The following MICAL2 variants were observed in gnomAD, a reference collection of about 807,000 sequenced individuals.
The protein encoded by MICAL2 is [F-actin]-monooxygenase MICAL2.
MICAL2 carries 77 observed loss-of-function variants against 127.3 expected under a neutral mutation model. The ratio of observed to expected loss-of-function variants is 0.60; its 90% confidence interval spans 0.50 to 0.73. The LOEUF (loss-of-function observed/expected upper bound fraction) is 0.73, where lower values mean the gene tolerates loss of function less well. MICAL2 is among the 30% of genes least tolerant of loss of function. The probability of loss-of-function intolerance (pLI) is 0.00; values close to 1 mark genes in which losing one functional copy is unlikely to be tolerated. For missense variants in MICAL2, 1,351 were observed against 1,434.4 expected (o/e 0.94, Z 0.94); for synonymous variants, 570 against 551.1 (o/e 1.03, Z -0.48).
intron 3 of MICAL2, among the ~76,000 whole-genome samples, chr11:12,183,701 C>T (rs560116910): frequency 4.1e-4 from 62 of 152,298 alleles, no homozygotes; most frequent in Admixed American, 9.8e-4. Context: ...CAGAGTGAGA[C>T]GGTGGTGTGG....
At chr11:12,216,405 G>A in intron 8 of MICAL2, 86 bp downstream of exon 8, 2 of 1,030,030 alleles carry the variant, frequency 1.9e-6, no homozygotes, top group South Asian at 2.6e-5. Flanking sequence ...CGTCCTGCCA[G>A]AAACTGAGCG....
intron 25 of MICAL2, 84 bp downstream of exon 25, chr11:12,258,640 T>A (rs1419836928): frequency 8.7e-6 from 11 of 1,271,548 alleles, no homozygotes; most frequent in Admixed American, 3.6e-5. Context: ...AGGCCAGCTT[T>A]GCTGGCCCTA....
At chr11:12,329,132 C>T (rs553314199) in intron 32 of MICAL2, among the ~76,000 whole-genome samples, 2 of 152,312 alleles carry the variant, frequency 1.3e-5, no homozygotes, top group African/African-American at 4.8e-5. Flanking sequence ...TGGCATGGAG[C>T]AGATGATTAA....
At chr11:12,202,836 C>T (rs1854196010) in intron 3 of MICAL2, among the ~76,000 whole-genome samples, 1 of 152,134 alleles carries the variant, frequency 6.6e-6, no homozygotes, top group Non-Finnish European at 1.5e-5. Context: ...GTACACAATT[C>T]AGTGGTTTTA....
intron 3 of MICAL2, 92 bp from the exon 4 acceptor site, chr11:12,204,158 G>T: frequency 8.1e-7 from 1 of 1,235,848 alleles, no homozygotes; most frequent in African/African-American, 1.5e-5. Context: ...CAGGAAGAGT[G>T]GGATTTGCGC....
At chr11:12,237,436 G>A (rs186646169) in intron 16 of MICAL2, among the ~76,000 whole-genome samples, 10 of 152,248 alleles carry the variant, frequency 6.6e-5, no homozygotes, top group Admixed American at 5.2e-4. Flanking sequence ...CCCAGATTAC[G>A]GGTGTCAGCT....
chr11:12,275,134 C>A (rs146490957), upstream of MICAL2, among the ~76,000 whole-genome samples: 58 of 152,274 alleles, frequency 3.8e-4, no homozygotes, highest in African/African-American at 1.4e-3. Context: ...GAGGTGTTGG[C>A]TGGAGCAACA....
chr11:12,194,861 A>G (rs1454010261), intron 3 of MICAL2, among the ~76,000 whole-genome samples: 1 of 152,240 alleles, frequency 6.6e-6, no homozygotes, highest in Non-Finnish European at 1.5e-5. Flanking sequence ...AAGAAAATAT[A>G]TTGTAATTTT....
At chr11:12,233,803 T>C (rs182502541) in intron 15 of MICAL2, among the ~76,000 whole-genome samples, 46 of 152,348 alleles carry the variant, frequency 3.0e-4, no homozygotes, top group African/African-American at 1.1e-3. Context: ...GAATTCTTTG[T>C]AGAGTGAAAC....
intron 2 of MICAL2, among the ~76,000 whole-genome samples, chr11:12,151,727 G>A (rs1853596312): frequency 6.6e-6 from 1 of 152,114 alleles, no homozygotes; most frequent in Admixed American, 6.6e-5. Flanking sequence ...GGATTCTTAT[G>A]GGTCGGTCTT....
At chr11:12,309,933 T>G (rs1251821793) in intron 29 of MICAL2, among the ~76,000 whole-genome samples, 2 of 152,206 alleles carry the variant, frequency 1.3e-5, no homozygotes, top group Non-Finnish European at 2.9e-5. Context: ...TGATTAGTGA[T>G]GCTGAGTATT....
chr11:12,273,888 G>C (rs890568188), upstream of MICAL2, among the ~76,000 whole-genome samples: 1 of 152,104 alleles, frequency 6.6e-6, no homozygotes, highest in South Asian at 2.1e-4. Flanking sequence ...TGTGGACTGT[G>C]CTGGGGGTAG....
chr11:12,242,591 T>C (rs1644121412), intron 19 of MICAL2, 80 bp from the exon 20 acceptor site: 1 of 1,475,592 alleles, frequency 6.8e-7, no homozygotes, highest in Non-Finnish European at 9.4e-7. Context: ...GCTGCCTCCC[T>C]CACCCACTTC....
At chr11:12,166,683 G>A (rs191049352) in intron 3 of MICAL2, among the ~76,000 whole-genome samples, 6 of 152,330 alleles carry the variant, frequency 3.9e-5, no homozygotes, top group African/African-American at 1.4e-4. Flanking sequence ...CTAGCATTCT[G>A]ATAAGTGATC....
intron 29 of MICAL2, among the ~76,000 whole-genome samples, chr11:12,308,900 T>C (rs1864142463): frequency 6.6e-6 from 1 of 152,232 alleles, no homozygotes; most frequent in African/African-American, 2.4e-5. Context: ...AAAATTTCCT[T>C]CCATTCCTAG....
chr11:12,348,828 T>G (rs1938998652), intron 32 of MICAL2, among the ~76,000 whole-genome samples: 1 of 152,218 alleles, frequency 6.6e-6, no homozygotes, highest in African/African-American at 2.4e-5. Flanking sequence ...CAGAAAAGTT[T>G]GTTATGAGGA....
intron 2 of MICAL2, chr11:12,287,055 C>T: frequency 2.5e-6 from 1 of 398,904 alleles, no homozygotes. Flanking sequence ...TTCCTCCCAC[C>T]CCATCTTCCC....
chr11:12,265,025 C>T (rs952419686), downstream of MICAL2, among the ~76,000 whole-genome samples: 2 of 152,186 alleles, frequency 1.3e-5, no homozygotes, highest in Non-Finnish European at 2.9e-5. Flanking sequence ...AGGAATACAG[C>T]AGGGAGTAAA....
At chr11:12,263,123 G>C (rs1410266262) in intron 27 of MICAL2, 5 of 153,010 alleles carry the variant, frequency 3.3e-5, no homozygotes, top group African/African-American at 1.2e-4. Context: ...TGCTGCCTTG[G>C]TTGCAGCCTG....
Sources: gnomAD v4.1 joint callset for allele counts (sites outside exome capture counted in the v4.1 genomes callset) on GRCh38, gnomAD v4.1.1 for gene constraint, MANE v1.5 for transcripts, NCBI Gene and HGNC (gene_info 2026-07-23, HGNC 2026-07-21) for gene names.